The following KIZ variants were observed in gnomAD, a reference collection of about 807,000 sequenced individuals.
KIZ encodes centrosomal protein kizuna.
KIZ carries 68 observed loss-of-function variants against 79.6 expected under a neutral mutation model. That is an observed-to-expected ratio of 0.85 (90% CI 0.70 to 1.05). KIZ has a LOEUF of 1.05. KIZ is among the 50% of genes least tolerant of loss of function. The pLI, the probability that KIZ is intolerant of heterozygous loss-of-function variation, is 0.00. For synonymous variants in KIZ, 280 were observed against 281.8 expected, an observed-to-expected ratio of 0.99 and a Z score of 0.06; for missense variants, 797 against 800.4, an observed-to-expected ratio of 1.00 and a Z score of 0.05.
intron 7 of KIZ, among the ~76,000 whole-genome samples, chr20:21,211,299 G>A (rs1185809377): frequency 6.6e-6 from 1 of 152,220 alleles, no homozygotes; most frequent in African/African-American, 2.4e-5. Flanking sequence ...AAATATGGAG[G>A]TGTCAACATC....
intron 4 of KIZ, among the ~76,000 whole-genome samples, chr20:21,156,064 G>A (rs1038325234): frequency 1.3e-5 from 2 of 152,188 alleles, no homozygotes; most frequent in Non-Finnish European, 2.9e-5. Flanking sequence ...GTACTGGGGG[G>A]TTATAATTTT....
chr20:21,238,121 G>A (rs535062766), intron 11 of KIZ, among the ~76,000 whole-genome samples: 1 of 152,188 alleles, frequency 6.6e-6, no homozygotes, highest in East Asian at 1.9e-4. Flanking sequence ...GAGCCACCAT[G>A]CCCAGCGGCA....
At chr20:21,181,620 G>A (rs2034659190) in intron 6 of KIZ, among the ~76,000 whole-genome samples, 2 of 151,926 alleles carry the variant, frequency 1.3e-5, no homozygotes, top group Non-Finnish European at 2.9e-5. Context: ...CACCATGCCT[G>A]GCTAATTTTT....
At chr20:21,145,480 C>T in intron 3 of KIZ, 85 bp from the exon 4 acceptor site, 1 of 473,488 alleles carries the variant, frequency 2.1e-6, no homozygotes, top group Non-Finnish European at 3.7e-6. Flanking sequence ...TTCAATGCTC[C>T]CTGTATGTTG....
chr20:21,211,964 C>CT (rs1437723392), intron 7 of KIZ, among the ~76,000 whole-genome samples: 1 of 152,160 alleles, frequency 6.6e-6, no homozygotes, highest in Non-Finnish European at 1.5e-5. Flanking sequence ...TGACACACGC[C>CT]TGTAATCCCA....
chr20:21,159,025 T>G (rs897650331), intron 4 of KIZ, among the ~76,000 whole-genome samples: 6 of 151,270 alleles, frequency 4.0e-5, no homozygotes, highest in Non-Finnish European at 7.4e-5. Flanking sequence ...ATTATTTTTT[T>G]TTATGGAGTT....
At chr20:21,199,217 C>T (rs1353787502) in intron 6 of KIZ, among the ~76,000 whole-genome samples, 2 of 152,164 alleles carry the variant, frequency 1.3e-5, no homozygotes, top group African/African-American at 4.8e-5. Flanking sequence ...TCTCAGCATT[C>T]ATAATAGAGC....
intron 7 of KIZ, among the ~76,000 whole-genome samples, chr20:21,210,299 C>T (rs2036015169): frequency 6.6e-6 from 1 of 152,060 alleles, no homozygotes; most frequent in African/African-American, 2.4e-5. Context: ...CAGAGCGAGA[C>T]TCCGTCTTTA....
At chr20:21,217,235 C>G (rs555006229) in intron 9 of KIZ, among the ~76,000 whole-genome samples, 1 of 152,180 alleles carries the variant, frequency 6.6e-6, no homozygotes, top group Non-Finnish European at 1.5e-5. Context: ...CCAGGGACCT[C>G]CCATGAAATT....
At chr20:21,130,812 A>T (rs892810666) in intron 1 of KIZ, among the ~76,000 whole-genome samples, 1 of 152,216 alleles carries the variant, frequency 6.6e-6, no homozygotes, top group African/African-American at 2.4e-5. Context: ...TGTAGCTAAC[A>T]GTGACTTTTG....
At chr20:21,135,194 T>C (rs1474009022) in intron 2 of KIZ, among the ~76,000 whole-genome samples, 5 of 152,220 alleles carry the variant, frequency 3.3e-5, no homozygotes, top group Admixed American at 2.6e-4. Flanking sequence ...TACTCACTCA[T>C]GTGGTCAGCT....
intron 6 of KIZ, among the ~76,000 whole-genome samples, chr20:21,189,738 C>T (rs1161002418): frequency 6.6e-6 from 1 of 152,210 alleles, no homozygotes; most frequent in East Asian, 1.9e-4. Context: ...AGCTTCATCA[C>T]ACTGTTTCCA....
In KIZ at chr20:21,214,702, T is replaced by G. The variant is rs750369135; in HGVS notation, c.1612+2T>G. 90 of 1,605,978 alleles carry G rather than the reference T, an allele frequency of 5.6e-5. 1 individual carries two copies. The Admixed American group carries it at 1.1e-3, about 19-fold the overall frequency. ...ACAGTGTTCCTACAAGGGAACAAGG[T>G]AACTATTGTTAAAGTGTGTGTCCAC... On this transcript the variant is annotated splice_donor_variant, in intron 8 of 12. Transcript: ENST00000619189. LOFTEE classifies it high-confidence loss of function.
intron 9 of KIZ, among the ~76,000 whole-genome samples, chr20:21,227,548 C>A (rs764946439): frequency 7.2e-5 from 11 of 152,228 alleles, no homozygotes; most frequent in Admixed American, 3.3e-4. Context: ...CAAAACAGGG[C>A]ATTTTTACCT....
At chr20:21,216,576 CAG>C (rs1480680559) in intron 9 of KIZ, among the ~76,000 whole-genome samples, 4 of 152,092 alleles carry the variant, frequency 2.6e-5, no homozygotes, top group African/African-American at 9.7e-5. Context: ...CTCTAAAATG[CAG>C]AGTTTTTTTA....
chr20:21,219,925 C>T (rs2036446943), intron 9 of KIZ, among the ~76,000 whole-genome samples: 4 of 152,134 alleles, frequency 2.6e-5, no homozygotes, highest in Admixed American at 2.0e-4. Flanking sequence ...CACACTGATG[C>T]CCCACCCACA....
At chr20:21,172,637 A>G (rs550571745) in intron 6 of KIZ, among the ~76,000 whole-genome samples, 1 of 152,168 alleles carries the variant, frequency 6.6e-6, no homozygotes, top group Non-Finnish European at 1.5e-5. Context: ...AAGCAGGTTA[A>G]GTAGATAGAG....
intron 7 of KIZ, among the ~76,000 whole-genome samples, chr20:21,209,810 C>T (rs1327407935): frequency 6.6e-6 from 1 of 152,240 alleles, no homozygotes; most frequent in African/African-American, 2.4e-5. Flanking sequence ...GTGTTAGTAG[C>T]ACTGGTTTGC....
chr20:21,187,596 C>T (rs1437748067), intron 6 of KIZ, among the ~76,000 whole-genome samples: 2 of 152,182 alleles, frequency 1.3e-5, no homozygotes, highest in Non-Finnish European at 2.9e-5. Flanking sequence ...TAACCCTCAC[C>T]AGCCCAGTCT....
Sources: allele counts gnomAD v4.1 joint callset (sites outside exome capture counted in the v4.1 genomes callset), GRCh38; gene constraint gnomAD v4.1.1; transcripts MANE v1.5; gene names NCBI Gene and HGNC (gene_info 2026-07-23, HGNC 2026-07-21).